ROBO1: variants seen among roughly 807,000 people sequenced by gnomAD.
The protein encoded by ROBO1 is roundabout homolog 1.
In ROBO1, 149 loss-of-function variants were observed where a neutral mutation model predicts 195.9. That is an observed-to-expected ratio of 0.76 (90% CI 0.67 to 0.87). The LOEUF is 0.87. ROBO1 is among the 40% of genes least tolerant of loss of function. The pLI, the probability that ROBO1 is intolerant of heterozygous loss-of-function variation, is 0.00. For missense variants in ROBO1, 1,933 were observed against 2,068.3 expected, an observed-to-expected ratio of 0.93 and a Z score of 1.27; for synonymous variants, 816 against 733.2, an observed-to-expected ratio of 1.11 and a Z score of -1.82.
At chr3:79,093,929 T>C (rs1399906524) in intron 3 of ROBO1, among the ~76,000 whole-genome samples, 2 of 152,050 alleles carry the variant, frequency 1.3e-5, no homozygotes, top group African/African-American at 4.8e-5. Flanking sequence ...CCCTACTTCC[T>C]GTGCCCTTGA....
At chr3:79,149,486 A>C (rs1274004907) in intron 2 of ROBO1, among the ~76,000 whole-genome samples, 1 of 151,426 alleles carries the variant, frequency 6.6e-6, no homozygotes, top group African/African-American at 2.4e-5. Flanking sequence ...TCTGGTTCTG[A>C]CGCTTATTCA....
At chr3:79,409,711 C>A (rs2037689858) in intron 2 of ROBO1, among the ~76,000 whole-genome samples, 4 of 152,122 alleles carry the variant, frequency 2.6e-5, no homozygotes, top group Admixed American at 1.3e-4. Context: ...ACCCATGAGT[C>A]TAAGTTCCTA....
chr3:78,918,261 A>G (rs1262023543), intron 4 of ROBO1, among the ~76,000 whole-genome samples: 1 of 152,180 alleles, frequency 6.6e-6, no homozygotes, highest in Non-Finnish European at 1.5e-5. Flanking sequence ...ATTTACATCT[A>G]TAGATGTAAA....
At chr3:78,634,589 G>T in intron 23 of ROBO1, 1 of 269,190 alleles carries the variant, frequency 3.7e-6, no homozygotes, top group South Asian at 3.3e-5. Context: ...TATTTGTGCG[G>T]AGGCTCTCAG....
chr3:79,353,482 C>T (rs887235499), intron 2 of ROBO1, among the ~76,000 whole-genome samples: 1 of 151,658 alleles, frequency 6.6e-6, no homozygotes, highest in African/African-American at 2.4e-5. Flanking sequence ...GGAAACAAAA[C>T]TTGGAGTAGT....
chr3:78,833,337 G>A (rs967714428), intron 4 of ROBO1, among the ~76,000 whole-genome samples: 1 of 152,082 alleles, frequency 6.6e-6, no homozygotes, highest in South Asian at 2.1e-4. Context: ...GGATTATTTC[G>A]TTTTTAGCTT....
At chr3:79,595,239 A>G (rs1944128837) in intron 1 of ROBO1, among the ~76,000 whole-genome samples, 1 of 152,020 alleles carries the variant, frequency 6.6e-6, no homozygotes, top group African/African-American at 2.4e-5. Context: ...GTTTGAAAAT[A>G]TATTTTAGGA....
intron 28 of ROBO1, among the ~76,000 whole-genome samples, chr3:78,614,367 C>T (rs1386139240): frequency 6.6e-6 from 1 of 152,148 alleles, no homozygotes; most frequent in Admixed American, 6.5e-5. Context: ...GTTTCAACTA[C>T]AGTGATGTTC....
chr3:78,660,399 C>T (rs1275498146), intron 16 of ROBO1: 1 of 152,526 alleles, frequency 6.6e-6, no homozygotes, highest in Non-Finnish European at 1.5e-5. Context: ...ACTCTAGTCT[C>T]ATGTTCTCCC....
At chr3:79,448,019 T>C (rs2039322090) in intron 2 of ROBO1, among the ~76,000 whole-genome samples, 1 of 152,246 alleles carries the variant, frequency 6.6e-6, no homozygotes, top group Non-Finnish European at 1.5e-5. Context: ...TGAGTTGTTA[T>C]AATGTAACCT....
intron 2 of ROBO1, among the ~76,000 whole-genome samples, chr3:79,348,155 G>A (rs867540502): frequency 3.4e-4 from 51 of 148,248 alleles, no homozygotes; most frequent in African/African-American, 1.1e-3. Flanking sequence ...AGTTTGCAGC[G>A]AGCCGAGATT....
intron 4 of ROBO1, among the ~76,000 whole-genome samples, chr3:78,821,161 ATTTTTTTTT>A (rs71631622): frequency 8.2e-6 from 1 of 122,202 alleles, no homozygotes; most frequent in Non-Finnish European, 1.7e-5. Context: ...TATGATACTG[ATTTTTTTTT>A]TTTTTTTTTT....
intron 3 of ROBO1, among the ~76,000 whole-genome samples, chr3:79,107,202 AG>A (rs2079800465): frequency 1.3e-5 from 2 of 151,132 alleles, no homozygotes; most frequent in African/African-American, 2.4e-5. Context: ...GATGAGTTAA[AG>A]TTTAAAGAAA....
chr3:79,334,131 C>G (rs2034559244), intron 2 of ROBO1, among the ~76,000 whole-genome samples: 1 of 151,436 alleles, frequency 6.6e-6, no homozygotes, highest in Non-Finnish European at 1.5e-5. Context: ...CAGGGTGAAC[C>G]CCGTCTCTAC....
In ROBO1 at chr3:79,550,195, G is replaced by GAAAGAAAGAAAGAAAGGAAA; in HGVS notation, c.88+39628_88+39629insTTTCCTTTCTTTCTTTCTTT. 3.1e-4 allele frequency among the ~76,000 whole-genome samples: 31 copies of GAAAGAAAGAAAGAAAGGAAA among 100,812 alleles called. 3 individuals carry two copies. The highest frequency in any genetic ancestry group is 1.4e-3 in the African/African-American group (29 of 21,382). 66.1% of individuals were successfully genotyped at this position (100,812 alleles called of 152,430 possible). On this transcript the variant is annotated intron_variant, in intron 2 of 30. Coordinates refer to ENST00000464233, the MANE Select transcript of ROBO1 (RefSeq NM_002941.4). ...AGAAAGAAAGAAAGAAAGAAAGAAA[G>GAAAGAAAGAAAGAAAGGAAA]GAAAAGAAAAGAAAAGAAAAGAAAA... is the stretch of plus-strand genomic sequence containing the variant.
At position 79,567,769 on chromosome 3, in the gene ROBO1, G is replaced by A. The variant is rs145813620; in HGVS notation, c.88+22055C>T. 3.4e-3 allele frequency among the ~76,000 whole-genome samples: 516 copies of A among 151,868 alleles called. 8 individuals carry two copies. The highest frequency in any genetic ancestry group is 6.0e-4 in the Non-Finnish European group (41 of 67,942). ...TTGAAAAACTAAAGTTGTTATTTTG[G>A]TTCTCCCTTAATTTAAATTATTTTC... is the stretch of plus-strand genomic sequence containing the variant. On this transcript the variant is annotated intron_variant, in intron 2 of 30. Transcript: ENST00000464233.
chr3:78,820,761 A>G (rs1048415344), intron 4 of ROBO1, among the ~76,000 whole-genome samples: 4 of 152,134 alleles, frequency 2.6e-5, no homozygotes, highest in African/African-American at 9.7e-5. Flanking sequence ...GCTACAAATA[A>G]CTGCTGGGCA....
chr3:79,500,216 C>A (rs1939994499), intron 2 of ROBO1, among the ~76,000 whole-genome samples: 1 of 150,140 alleles, frequency 6.7e-6, no homozygotes, highest in Non-Finnish European at 1.5e-5. Flanking sequence ...CTGCAACCTC[C>A]GCCTCCAGGT....
chr3:79,196,451 C>G (rs1042052149), intron 2 of ROBO1, among the ~76,000 whole-genome samples: 1 of 151,066 alleles, frequency 6.6e-6, no homozygotes, highest in Non-Finnish European at 1.5e-5. Context: ...AACAAAAGAG[C>G]GAGTGATTGA....
Sources: allele counts gnomAD v4.1 joint callset (sites outside exome capture counted in the v4.1 genomes callset), GRCh38; gene constraint gnomAD v4.1.1; transcripts MANE v1.5; gene names NCBI Gene and HGNC (gene_info 2026-07-23, HGNC 2026-07-21).